Variants in SPOP observed in about 807,000 individuals in gnomAD.
SPOP encodes the protein speckle-type POZ protein.
Under a neutral mutation model 45.6 loss-of-function variants are expected in SPOP, and 11 were observed. The observed-to-expected ratio is 0.24, with a 90% CI of 0.15 to 0.40. The LOEUF is 0.40. Among genes scored for constraint, SPOP ranks in the 10% least tolerant of loss-of-function variants. The probability of loss-of-function intolerance (pLI) is 1.00; values close to 1 mark genes in which losing one functional copy is unlikely to be tolerated. For synonymous variants in SPOP, 166 were observed against 166.3 expected, an observed-to-expected ratio of 1.00 and a Z score of 0.01; for missense variants, 152 against 465.6, an observed-to-expected ratio of 0.33 and a Z score of 6.20.
At chr17:49,607,004 G>A (rs1707040314) in intron 8 of SPOP, 1 of 400,170 alleles carries the variant, frequency 2.5e-6, no homozygotes, top group East Asian at 4.1e-5. Flanking sequence ...AGAGGTAGAA[G>A]TCAAACTTAT....
chr17:49,611,145 A>G lies in SPOP; in HGVS notation c.658+135T>C. ...TGGTTCTGAGCATTGTTACCGGAAT[A>G]CAAAGATATATTTAGCTGCAGTTTG... is the stretch of plus-strand genomic sequence containing the variant. On this transcript the variant is annotated intron_variant, in intron 6 of 9. Coordinates refer to ENST00000504102, the MANE Select transcript of SPOP (RefSeq NM_001007228.2). 2 of 959,540 alleles carry G rather than the reference A, an allele frequency of 2.1e-6. 1 individual carries two copies. The highest frequency in any genetic ancestry group is 3.4e-5 in the South Asian group (2 of 59,366). The allele number at this position is 959,540 out of a possible 1,614,324, so 59.4% of individuals were successfully genotyped here. A position where few individuals can be genotyped will look rare whatever the true frequency, so the allele number is the denominator to read the frequency against.
intron 2 of SPOP, chr17:49,622,378 A>G (rs2143298193): frequency 5.6e-6 from 3 of 532,302 alleles, no homozygotes; most frequent in South Asian, 5.2e-5. Flanking sequence ...ATAAAACCGT[A>G]CTTAAAATGG....
intron 1 of SPOP, among the ~76,000 whole-genome samples, chr17:49,642,849 T>C (rs575946570): frequency 6.6e-6 from 1 of 152,236 alleles, no homozygotes; most frequent in Non-Finnish European, 1.5e-5. Context: ...TGAAATTGCC[T>C]ATTGGGTGAC....
At chr17:49,658,788 G>A (rs2072948911) in intron 1 of SPOP, among the ~76,000 whole-genome samples, 1 of 152,190 alleles carries the variant, frequency 6.6e-6, no homozygotes, top group African/African-American at 2.4e-5. Context: ...GATACACTGA[G>A]ACCAACATGG....
chr17:49,610,108 CTAT>C (rs2071938288), intron 6 of SPOP, among the ~76,000 whole-genome samples: 1 of 152,134 alleles, frequency 6.6e-6, no homozygotes, highest in South Asian at 2.1e-4. Flanking sequence ...TTTGAGACAG[CTAT>C]CGTTAAGAAA....
intron 1 of SPOP, among the ~76,000 whole-genome samples, chr17:49,672,989 T>G (rs2143584996): frequency 6.6e-6 from 1 of 152,120 alleles, no homozygotes; most frequent in Non-Finnish European, 1.5e-5. Flanking sequence ...TCTAAATTGT[T>G]CTAGATTTAA....
In SPOP at chr17:49,630,693, C is replaced by T. The variant is rs373504440; in HGVS notation, c.-66-7817G>A. Among the ~76,000 whole-genome samples, 10 of 152,166 alleles carry T rather than the reference C, an allele frequency of 6.6e-5. No homozygotes were observed. In the East Asian group the frequency reaches 1.2e-3, roughly 18 times the overall value. On this transcript the variant is annotated intron_variant, in intron 1 of 9. Transcript: ENST00000504102. The stretch of plus-strand genomic sequence containing the variant: ...TCTCAAGCTCTTGGCCCCAGGCAAT[C>T]CTCCTGCCTTGGCTTCTCAAAGCAC...
chr17:49,636,790 T>A (rs1012569201), intron 1 of SPOP: 1 of 152,182 alleles, frequency 6.6e-6, no homozygotes, highest in Non-Finnish European at 1.5e-5. Flanking sequence ...CTCTAATTTG[T>A]CTTGTCTAAC....
Position 49,619,400 on chromosome 17 carries a change from T to TA in SPOP, c.201-16dup. ...CTCGCAAACACCTGTCCAAAACAGA[T>TA]AGAAAAAAAAAATGTCAAAAGCATC... On this transcript the variant is annotated splice_polypyrimidine_tract_variant and intron_variant, in intron 3 of 9. Transcript: ENST00000504102. The surrounding 1 kb of genome is among the most constrained non-coding windows in gnomAD (Gnocchi z 4.9). 1 of 1,571,114 alleles carries TA rather than the reference T, an allele frequency of 6.4e-7. No homozygotes were observed.
At chr17:49,672,829 C>T (rs1463987134) in intron 1 of SPOP, among the ~76,000 whole-genome samples, 3 of 152,090 alleles carry the variant, frequency 2.0e-5, no homozygotes, top group African/African-American at 7.2e-5. Flanking sequence ...CACCTATAAT[C>T]CCAGCTCCTC....
At chr17:49,641,328 C>T (rs1364695894) in intron 1 of SPOP, among the ~76,000 whole-genome samples, 3 of 141,016 alleles carry the variant, frequency 2.1e-5, no homozygotes, top group Non-Finnish European at 4.6e-5. Flanking sequence ...CCTATTCCTG[C>T]TTCATCATTT....
At chr17:49,618,894 C>G in intron 5 of SPOP, 87 bp downstream of exon 5, 1 of 1,472,514 alleles carries the variant, frequency 6.8e-7, no homozygotes, top group South Asian at 1.3e-5. Flanking sequence ...CTTTTTCTTA[C>G]TCTACATCCC....
intron 1 of SPOP, among the ~76,000 whole-genome samples, chr17:49,639,222 C>G (rs1321321825): frequency 1.3e-5 from 2 of 152,042 alleles, no homozygotes; most frequent in Non-Finnish European, 2.9e-5. Flanking sequence ...CCCTTACTCT[C>G]CACTTTTTTT....
Position 49,599,509 on chromosome 17 carries a change from T to G in SPOP, c.*869A>C, listed in dbSNP as rs1264330844. On this transcript the variant is annotated 3_prime_UTR_variant, in exon 10 of 10. Transcript: ENST00000504102. Reference sequence around the variant, plus strand: ...TTGTTCTGTTTTTGTTTTGTGTGTTTTTTTTTTTGTTTGTTTTTTAGAAAA... The same window carrying G: ...TTGTTCTGTTTTTGTTTTGTGTGTTGTTTTTTTTGTTTGTTTTTTAGAAAA... The G allele has an allele frequency of 4.8e-6, 1 of 206,270 alleles. No homozygotes were observed. Among genetic ancestry groups the G allele is most frequent in the East Asian group, 7.4e-5 (1 of 13,480 alleles). The allele number at this position is 206,270 out of a possible 1,614,324, so 12.8% of individuals were successfully genotyped here.
At chr17:49,627,141 G>A (rs942868693) in intron 1 of SPOP, among the ~76,000 whole-genome samples, 4 of 152,164 alleles carry the variant, frequency 2.6e-5, no homozygotes, top group African/African-American at 7.2e-5. Context: ...GAGCCACCAC[G>A]CCCGGCCAGG....
At chr17:49,601,655 A>C (rs1037867123) in intron 9 of SPOP, 7 of 549,402 alleles carry the variant, frequency 1.3e-5, no homozygotes. Context: ...TCGATTCACT[A>C]TGAGGAAGTA....
chr17:49,632,356 G>A (rs1372515677), intron 1 of SPOP, among the ~76,000 whole-genome samples: 1 of 152,110 alleles, frequency 6.6e-6, no homozygotes, highest in South Asian at 2.1e-4. Context: ...CAGAGCTATG[G>A]GGGGAGTTCC....
intron 5 of SPOP, among the ~76,000 whole-genome samples, chr17:49,614,902 G>A (rs1328930304): frequency 6.6e-6 from 1 of 151,830 alleles, no homozygotes; most frequent in Non-Finnish European, 1.5e-5. Flanking sequence ...GCCCAGGCTG[G>A]AGTGCAGTGG....
At position 49,601,871 on chromosome 17, in the gene SPOP, A is replaced by G; in HGVS notation, c.974T>C (p.Ile325Thr). 1 of 1,614,010 alleles carries G rather than the reference A, an allele frequency of 6.2e-7. No individual in the cohort carries two copies. The highest frequency in any genetic ancestry group is 8.5e-7 in the Non-Finnish European group (1 of 1,179,930). Residue 325 changes from isoleucine to threonine, a missense_variant, in exon 9 of 10, where the codon ATC becomes ACC. Physicochemically the swap from Ile to Thr is moderately conservative, Grantham distance 89. Coordinates refer to ENST00000504102, the MANE Select transcript of SPOP (RefSeq NM_001007228.2). ...DQLKTQAVDFINYHASDVLET... is the reference protein window; with the variant it reads ...DQLKTQAVDFTNYHASDVLET... ...TTTGAAGATGCCAACTCACTAGTTG[A>G]TGAAATCCACTGCCTGAGTTTTCAA...
Sources: gnomAD v4.1 joint callset for allele counts (sites outside exome capture counted in the v4.1 genomes callset) on GRCh38, gnomAD v4.1.1 for gene constraint, Gnocchi (gnomAD v3.1) non-coding constraint, MANE v1.5 for transcripts, NCBI Gene and HGNC (gene_info 2026-07-23, HGNC 2026-07-21) for gene names.